VWC2L: variants seen among roughly 807,000 people sequenced by gnomAD.
The protein encoded by VWC2L is von Willebrand factor C domain-containing protein 2-like.
Under a neutral mutation model 21.6 loss-of-function variants are expected in VWC2L, and 10 were observed. The ratio of observed to expected loss-of-function variants is 0.46; its 90% CI spans 0.29 to 0.78. VWC2L has a LOEUF of 0.78. Among genes scored for constraint, VWC2L ranks in the 30% least tolerant of loss-of-function variants. The probability of loss-of-function intolerance (pLI) is 0.10; values close to 1 mark genes in which losing one functional copy is unlikely to be tolerated. For synonymous variants in VWC2L, 96 were observed against 94.3 expected (o/e 1.02, Z -0.10); for missense variants, 209 against 277.1 (o/e 0.75, Z 1.74).
At chr2:214,558,311 A>G (rs73987403) in intron 3 of VWC2L, among the ~76,000 whole-genome samples, 6,675 of 152,018 alleles carry the variant, frequency 0.044, 501 homozygotes, top group African/African-American at 0.15. Context: ...CACTCCCCTG[A>G]ATTCAATTAC....
At chr2:214,470,416 G>C (rs1022796479) in intron 3 of VWC2L, among the ~76,000 whole-genome samples, 1 of 152,052 alleles carries the variant, frequency 6.6e-6, no homozygotes, top group Non-Finnish European at 1.5e-5. Flanking sequence ...AGGGATGCTT[G>C]TACATTTTGA....
At chr2:214,420,870 T>G (rs937098674) in intron 2 of VWC2L, among the ~76,000 whole-genome samples, 2 of 152,222 alleles carry the variant, frequency 1.3e-5, no homozygotes, top group Non-Finnish European at 2.9e-5. Flanking sequence ...GCTTTTAACA[T>G]TAAAATGGCT....
chr2:214,554,056 C>T (rs1423043186), intron 3 of VWC2L, among the ~76,000 whole-genome samples: 1 of 152,102 alleles, frequency 6.6e-6, no homozygotes, highest in African/African-American at 2.4e-5. Context: ...AGGCCACTAA[C>T]TCATCTTGGA....
chr2:214,512,793 A>C (rs1689076738), intron 3 of VWC2L, among the ~76,000 whole-genome samples: 1 of 152,154 alleles, frequency 6.6e-6, no homozygotes, highest in Non-Finnish European at 1.5e-5. Context: ...TATAACTGGA[A>C]TGGAATCATT....
intron 3 of VWC2L, among the ~76,000 whole-genome samples, chr2:214,575,177 G>A (rs554347198): frequency 6.6e-6 from 1 of 152,108 alleles, no homozygotes; most frequent in East Asian, 1.9e-4. Context: ...AAACAAGCTG[G>A]GGATTCCAGG....
intron 3 of VWC2L, among the ~76,000 whole-genome samples, chr2:214,481,359 T>C (rs1223002883): frequency 6.6e-6 from 1 of 152,172 alleles, no homozygotes; most frequent in Non-Finnish European, 1.5e-5. Flanking sequence ...ACTACTGAAT[T>C]ATGAGAGACT....
intron 3 of VWC2L, among the ~76,000 whole-genome samples, chr2:214,467,142 G>A (rs1703229019): frequency 6.6e-6 from 1 of 152,138 alleles, no homozygotes; most frequent in Non-Finnish European, 1.5e-5. Flanking sequence ...TCCCACTATT[G>A]AGGCAAGAAC....
At chr2:214,569,471 A>C (rs1304765679) in intron 3 of VWC2L, among the ~76,000 whole-genome samples, 4 of 152,210 alleles carry the variant, frequency 2.6e-5, no homozygotes, top group Non-Finnish European at 4.4e-5. Context: ...CCCTAATTTT[A>C]GCATTTTCTG....
chr2:214,568,885 T>C (rs1056870802), intron 3 of VWC2L, among the ~76,000 whole-genome samples: 1 of 152,194 alleles, frequency 6.6e-6, no homozygotes, highest in Non-Finnish European at 1.5e-5. Flanking sequence ...TCCTATTGCA[T>C]GTGACCCTGG....
intron 3 of VWC2L, among the ~76,000 whole-genome samples, chr2:214,450,686 G>A (rs1415330005): frequency 6.6e-6 from 1 of 152,162 alleles, no homozygotes; most frequent in Admixed American, 6.6e-5. Flanking sequence ...GCTCCTGGGA[G>A]AGATGCCTGT....
chr2:214,551,219 C>T (rs147610160), intron 3 of VWC2L, among the ~76,000 whole-genome samples: 134 of 152,298 alleles, frequency 8.8e-4, no homozygotes, highest in African/African-American at 3.1e-3. Context: ...TCATAACATG[C>T]TGCAAGTATA....
intron 2 of VWC2L, among the ~76,000 whole-genome samples, chr2:214,432,017 T>C (rs902827398): frequency 6.6e-6 from 1 of 152,214 alleles, no homozygotes; most frequent in Admixed American, 6.5e-5. Context: ...CCCAAATAGT[T>C]ATTTCACGAC....
At chr2:214,473,021 C>A (rs1703332965) in intron 3 of VWC2L, among the ~76,000 whole-genome samples, 1 of 152,174 alleles carries the variant, frequency 6.6e-6, no homozygotes, top group African/African-American at 2.4e-5. Flanking sequence ...AAATCACTTT[C>A]CAGAAATGTC....
intron 3 of VWC2L, among the ~76,000 whole-genome samples, chr2:214,485,244 A>G (rs2126198615): frequency 1.3e-5 from 2 of 152,200 alleles, no homozygotes; most frequent in South Asian, 4.1e-4. Flanking sequence ...TCTCGAACCT[A>G]GGAGGCAGAG....
At chr2:214,422,050 C>T (rs928109176) in intron 2 of VWC2L, among the ~76,000 whole-genome samples, 7 of 151,254 alleles carry the variant, frequency 4.6e-5, no homozygotes, top group African/African-American at 1.2e-4. Context: ...CCACCATGCC[C>T]GGCTAATTTT....
At chr2:214,432,400 G>A in intron 2 of VWC2L, among the ~76,000 whole-genome samples, 1 of 152,200 alleles carries the variant, frequency 6.6e-6, no homozygotes, top group East Asian at 1.9e-4. Flanking sequence ...GGACAGAGAA[G>A]ATGAAGGGGC....
intron 3 of VWC2L, among the ~76,000 whole-genome samples, chr2:214,499,539 A>C (rs1238299500): frequency 6.6e-6 from 1 of 151,616 alleles, no homozygotes; most frequent in African/African-American, 2.4e-5. Context: ...GCATTAGGAG[A>C]TATACCTAAT....
At chr2:214,470,724 T>C (rs1356494450) in intron 3 of VWC2L, among the ~76,000 whole-genome samples, 1 of 151,630 alleles carries the variant, frequency 6.6e-6, no homozygotes, top group African/African-American at 2.4e-5. Flanking sequence ...GCCTGGCCAA[T>C]GTAGTGAAAC....
chr2:214,526,439 C>A (rs1485930679), intron 3 of VWC2L, among the ~76,000 whole-genome samples: 1 of 152,098 alleles, frequency 6.6e-6, no homozygotes, highest in African/African-American at 2.4e-5. Context: ...GATTCGTTCA[C>A]TGTAGAATAA....
Sources: allele counts gnomAD v4.1 joint callset (sites outside exome capture counted in the v4.1 genomes callset), GRCh38; gene constraint gnomAD v4.1.1; transcripts MANE v1.5; gene names NCBI Gene and HGNC (gene_info 2026-07-23, HGNC 2026-07-21).